The following HDAC2 variants were observed in gnomAD, a reference collection of about 807,000 sequenced individuals.
The protein encoded by HDAC2 is YY1-associated factor 1.
A neutral mutation model predicts 68.5 loss-of-function variants in HDAC2; 5 were observed. The ratio of observed to expected loss-of-function variants is 0.07; its 90% CI spans 0.04 to 0.15. The LOEUF is 0.15. Ranked by LOEUF, HDAC2 falls within the 10% of genes least tolerant of loss-of-function variation. The pLI is 1.00. For missense variants in HDAC2, 291 were observed against 600.8 expected (o/e 0.48, Z 5.39); for synonymous variants, 182 against 191.3 (o/e 0.95, Z 0.40).
At chr6:113,953,192 A>C (rs1776463311) in intron 6 of HDAC2, 85 bp downstream of exon 6, 4 of 922,664 alleles carry the variant, frequency 4.3e-6, no homozygotes, top group South Asian at 1.9e-5. Context: ...TTATTAACTC[A>C]GGAGAAAAAT....
chr6:113,942,485 A>C (rs1459307196), intron 12 of HDAC2, among the ~76,000 whole-genome samples: 1 of 151,936 alleles, frequency 6.6e-6, no homozygotes, highest in Non-Finnish European at 1.5e-5. Flanking sequence ...TGATAGACAT[A>C]GGAAAAATTG....
intron 1 of HDAC2, chr6:113,970,086 C>T (rs1165641997): frequency 6.6e-6 from 1 of 152,128 alleles, no homozygotes; most frequent in Non-Finnish European, 1.5e-5. Context: ...AACTGGAAAA[C>T]CCGAACTATT....
intron 1 of HDAC2, among the ~76,000 whole-genome samples, chr6:113,967,408 C>T (rs1776850399): frequency 6.6e-6 from 1 of 152,118 alleles, no homozygotes; most frequent in African/African-American, 2.4e-5. Context: ...AGATTATAGG[C>T]ATGAGCCACC....
At chr6:113,963,433 T>C (rs1313452022) in intron 1 of HDAC2, among the ~76,000 whole-genome samples, 2 of 152,166 alleles carry the variant, frequency 1.3e-5, no homozygotes. Context: ...GACCCTACAA[T>C]TTTTATTCAT....
At chr6:113,943,994 C>T (rs1776208999) in intron 11 of HDAC2, among the ~76,000 whole-genome samples, 1 of 152,182 alleles carries the variant, frequency 6.6e-6, no homozygotes, top group African/African-American at 2.4e-5. Flanking sequence ...ATTTAGTTCA[C>T]CCTACTTTAG....
At chr6:113,970,735 G>A in intron 1 of HDAC2, 122 bp downstream of exon 1, 1 of 1,415,412 alleles carries the variant, frequency 7.1e-7, no homozygotes, top group South Asian at 1.5e-5. Context: ...GGGTTAAGAT[G>A]CGGCCAAATG....
rs542537862 is a variant in HDAC2 at position 113,942,210 on chromosome 6, AAGTT to A, written c.1379-449_1379-446del. On this transcript the variant is annotated intron_variant, in intron 12 of 13. Coordinates refer to ENST00000519065, the MANE Select transcript of HDAC2 (RefSeq NM_001527.4). ...TAGTGAAAATGAAAGAAAAGAAAAA[AAGTT>A]AGGAAAATCCTACAGCTAAAGTTAA... Among the ~76,000 whole-genome samples the A allele has an allele frequency of 3.3e-5, 5 of 152,258 alleles. 1 individual carries two copies. The South Asian group carries it at 1.0e-3, about 32-fold the overall frequency.
rs1775996208 is a variant in HDAC2, at chr6:113,936,320, T to C, written c.*4738A>G. The C allele has an allele frequency of 6.6e-6, 1 of 152,182 alleles. No individual in the cohort carries two copies. Among genetic ancestry groups the C allele is most frequent in the South Asian group, 2.1e-4 (1 of 4,830 alleles). 9.4% of individuals were successfully genotyped at this position (152,182 alleles called of 1,614,324 possible). The stretch of plus-strand genomic sequence containing the variant: ...GCCATCTTGTGGTACAGTGAGGAAA[T>C]GCAGCAATTGAGAAGCTTCTAAATG... On this transcript the variant is annotated 3_prime_UTR_variant, in exon 14 of 14. Transcript: ENST00000519065.
intron 1 of HDAC2, among the ~76,000 whole-genome samples, chr6:113,960,285 C>T (rs1776650598): frequency 6.6e-6 from 1 of 151,836 alleles, no homozygotes; most frequent in Non-Finnish European, 1.5e-5. Flanking sequence ...TTTAGCTACC[C>T]CCAATTTTTA....
rs1775962734 is a variant in HDAC2, at chr6:113,934,588, T to C, written c.*6470A>G. 1 of 152,192 alleles carries C rather than the reference T, an allele frequency of 6.6e-6. No individual in the cohort carries two copies. Among genetic ancestry groups the C allele is most frequent in the African/African-American group, 2.4e-5 (1 of 41,442 alleles). 9.4% of individuals were successfully genotyped at this position (152,192 alleles called of 1,614,324 possible). On this transcript the variant is annotated 3_prime_UTR_variant, in exon 14 of 14. Transcript: ENST00000519065. ...GTGTTTTTCTGGGAAATCAGATTTA[T>C]TGCCCACCATAGTCACAAACAGACT...
chr6:113,961,304 T>G (rs1776678085), intron 1 of HDAC2, among the ~76,000 whole-genome samples: 1 of 152,172 alleles, frequency 6.6e-6, no homozygotes. Flanking sequence ...TCCTACATAT[T>G]TGATAACAGT....
In HDAC2 at chr6:113,940,961, G is replaced by T; in HGVS notation, c.*97C>A. On this transcript the variant is annotated 3_prime_UTR_variant, in exon 14 of 14. Coordinates refer to ENST00000519065, the MANE Select transcript of HDAC2 (RefSeq NM_001527.4). Reference sequence around the variant, plus strand: ...GAAAATAAATACAGTCCATGCCAAAGTAGTATAAAATGAAGCCAGAAGTCT... The same window carrying T: ...GAAAATAAATACAGTCCATGCCAAATTAGTATAAAATGAAGCCAGAAGTCT... 2 of 898,146 alleles carry T rather than the reference G, an allele frequency of 2.2e-6. No individual in the cohort carries two copies. Among genetic ancestry groups the T allele is most frequent in the Non-Finnish European group, 3.5e-6 (2 of 569,980 alleles). 55.6% of individuals were successfully genotyped at this position (898,146 alleles called of 1,614,324 possible).
At chr6:113,948,747 T>G in intron 8 of HDAC2, 2 of 433,754 alleles carry the variant, frequency 4.6e-6, no homozygotes, top group Non-Finnish European at 8.1e-6. Flanking sequence ...TGCCTTGGGT[T>G]CAAACTACAA....
chr6:113,943,475 A>G lies in HDAC2; in HGVS notation c.1254T>C (p.Asp418=). ...IRASDKRIAC[D]EEFSDSEDEG... is the part of the protein sequence containing the mutation. ...CATCCTCAGAATCTGAGAATTCTTC[A>G]TCACAAGCTATCCGCTTGTCTGATG... is the stretch of plus-strand genomic sequence containing the variant. The change falls in exon 12 of 14, where the codon GAT becomes GAC. Residue 418 remains aspartate, a synonymous_variant. Coordinates refer to ENST00000519065, the MANE Select transcript of HDAC2 (RefSeq NM_001527.4). 1 of 1,607,878 alleles carries G rather than the reference A, an allele frequency of 6.2e-7. No homozygotes were observed. Among genetic ancestry groups the G allele is most frequent in the Non-Finnish European group, 8.5e-7 (1 of 1,179,242 alleles).
intron 3 of HDAC2, 22 bp downstream of exon 3, chr6:113,958,627 T>C (rs756202852): frequency 3.0e-5 from 35 of 1,169,054 alleles, no homozygotes; most frequent in Admixed American, 6.2e-5. Flanking sequence ...AAAGCAAAAC[T>C]ACTTTTTACT....
At chr6:113,964,618 C>T (rs765076653) in intron 1 of HDAC2, among the ~76,000 whole-genome samples, 1 of 152,162 alleles carries the variant, frequency 6.6e-6, no homozygotes, top group Admixed American at 6.5e-5. Flanking sequence ...AGTCCTGGGA[C>T]CAGTCGTCTG....
intron 6 of HDAC2, among the ~76,000 whole-genome samples, chr6:113,952,863 G>T (rs1776453132): frequency 6.6e-6 from 1 of 152,056 alleles, no homozygotes. Flanking sequence ...ATTAAAATTA[G>T]ATCTACTAAA....
intron 2 of HDAC2, 93 bp downstream of exon 2, chr6:113,959,813 G>A (rs1168204785): frequency 6.1e-6 from 4 of 654,024 alleles, no homozygotes; most frequent in Non-Finnish European, 1.1e-5. Context: ...TCTGCTAAAT[G>A]CCCTCAAAAG....
intron 1 of HDAC2, among the ~76,000 whole-genome samples, chr6:113,962,571 T>G (rs748754412): frequency 6.6e-6 from 1 of 152,110 alleles, no homozygotes; most frequent in Non-Finnish European, 1.5e-5. Context: ...AGTTTCTCTG[T>G]TGAAATTTAG....
Sources: gnomAD v4.1 joint callset for allele counts (sites outside exome capture counted in the v4.1 genomes callset) on GRCh38, gnomAD v4.1.1 for gene constraint, MANE v1.5 for transcripts, NCBI Gene and HGNC (gene_info 2026-07-23, HGNC 2026-07-21) for gene names.